The following MIPOL1 variants were observed in gnomAD, a reference collection of about 807,000 sequenced individuals.
MIPOL1 encodes mirror-image polydactyly gene 1 protein.
MIPOL1 carries 57 observed loss-of-function variants against 60.9 expected under a neutral mutation model. That is an observed-to-expected ratio of 0.94 (90% CI 0.76 to 1.17). The LOEUF (loss-of-function observed/expected upper bound fraction) is 1.17. Ranked by LOEUF, MIPOL1 falls within the 50% of genes most tolerant of loss-of-function variation. MIPOL1 has a pLI of 0.00. For missense variants in MIPOL1, 551 were observed against 511.6 expected (o/e 1.08, Z -0.74); for synonymous variants, 179 against 168.8 (o/e 1.06, Z -0.47).
chr14:37,339,014 A>C (rs961302810), intron 9 of MIPOL1, among the ~76,000 whole-genome samples: 1 of 152,250 alleles, frequency 6.6e-6, no homozygotes, highest in Non-Finnish European at 1.5e-5. Flanking sequence ...AAAGCTCATC[A>C]AAAGCCAACA....
chr14:37,382,454 A>T (rs2092950095), intron 10 of MIPOL1, among the ~76,000 whole-genome samples: 1 of 152,098 alleles, frequency 6.6e-6, no homozygotes, highest in Admixed American at 6.6e-5. Context: ...TGAGACTTTC[A>T]TTAGAGATTA....
chr14:37,442,505 T>A (rs1349545426), intron 11 of MIPOL1, among the ~76,000 whole-genome samples: 1 of 152,106 alleles, frequency 6.6e-6, no homozygotes, highest in East Asian at 1.9e-4. Flanking sequence ...TGGCTGGGGT[T>A]TGTCATAGAT....
chr14:37,499,372 T>C (rs2095181307), intron 11 of MIPOL1, among the ~76,000 whole-genome samples: 2 of 152,196 alleles, frequency 1.3e-5, no homozygotes, highest in African/African-American at 4.8e-5. Flanking sequence ...ACATTTTATT[T>C]CTGTGCAATC....
chr14:37,408,201 G>C (rs904625819), intron 10 of MIPOL1, among the ~76,000 whole-genome samples: 2 of 151,858 alleles, frequency 1.3e-5, no homozygotes, highest in African/African-American at 4.8e-5. Context: ...ACAATGTTAA[G>C]AGAAAACAAT....
chr14:37,370,856 T>A (rs2092619450), intron 10 of MIPOL1, among the ~76,000 whole-genome samples: 1 of 152,166 alleles, frequency 6.6e-6, no homozygotes, highest in Non-Finnish European at 1.5e-5. Context: ...ATTTTTAAAA[T>A]GTATACTTGC....
At chr14:37,364,517 G>A (rs939898414) in intron 9 of MIPOL1, among the ~76,000 whole-genome samples, 3 of 152,126 alleles carry the variant, frequency 2.0e-5, no homozygotes, top group African/African-American at 7.2e-5. Context: ...TGGCACTTTT[G>A]TTAAAAATTA....
chr14:37,299,868 A>T (rs934066477), intron 7 of MIPOL1, among the ~76,000 whole-genome samples: 1 of 152,022 alleles, frequency 6.6e-6, no homozygotes, highest in Non-Finnish European at 1.5e-5. Context: ...ATGTCTCCCT[A>T]GCCTGTCCTG....
At chr14:37,530,309 C>A (rs2095471655) in intron 12 of MIPOL1, among the ~76,000 whole-genome samples, 1 of 151,900 alleles carries the variant, frequency 6.6e-6, no homozygotes. Flanking sequence ...TTTGTGTAAC[C>A]CTAACTTATA....
rs1174519962 is a variant in MIPOL1, at chr14:37,260,680, C to G, written c.20-6258C>G. On this transcript the variant is annotated intron_variant, in intron 3 of 12. Coordinates refer to ENST00000684589, the MANE Select transcript of MIPOL1 (RefSeq NM_001388067.1). ...GATAGAGGTTATTAATTATGTAGAC[C>G]AATGAAAGTAAAATTATGACTTTAT... Among the ~76,000 whole-genome samples, 3 of 151,920 alleles carry G rather than the reference C, an allele frequency of 2.0e-5. No homozygotes were observed. In the East Asian group the frequency reaches 5.8e-4, roughly 29 times the overall value.
At chr14:37,221,247 T>C (rs1968698883) in intron 1 of MIPOL1, among the ~76,000 whole-genome samples, 1 of 152,192 alleles carries the variant, frequency 6.6e-6, no homozygotes, top group South Asian at 2.1e-4. Flanking sequence ...TCCAAGAGCA[T>C]AGTGCTGGCA....
chr14:37,239,540 A>G (rs1260762733), intron 1 of MIPOL1, among the ~76,000 whole-genome samples: 1 of 152,190 alleles, frequency 6.6e-6, no homozygotes, highest in East Asian at 1.9e-4. Flanking sequence ...AAAAGAGTAC[A>G]ACACTTACAT....
intron 1 of MIPOL1, among the ~76,000 whole-genome samples, chr14:37,207,529 A>C (rs1338055407): frequency 7.6e-6 from 1 of 131,296 alleles, no homozygotes; most frequent in Non-Finnish European, 1.5e-5. Context: ...TTATTTGAGG[A>C]TATGATATTA....
intron 11 of MIPOL1, among the ~76,000 whole-genome samples, chr14:37,494,581 A>C (rs2095091152): frequency 6.6e-6 from 1 of 152,216 alleles, no homozygotes; most frequent in Admixed American, 6.5e-5. Context: ...TATAGACCAC[A>C]GCAAGTATAG....
intron 12 of MIPOL1, chr14:37,545,860 T>G: frequency 2.6e-6 from 1 of 383,114 alleles, no homozygotes; most frequent in Admixed American, 4.7e-5. Flanking sequence ...CATGGATCCA[T>G]ATAAATGAGG....
rs769550735 is a variant in MIPOL1 at position 37,369,791 on chromosome 14, T to C, written c.936+167T>C. On this transcript the variant is annotated intron_variant, in intron 10 of 12. Transcript: ENST00000684589. Reference sequence around the variant, plus strand: ...ACAGCACCCTTTTGTTATGGTATTATTTTATTTCACGTATGTGTACGTGAA... The same window carrying C: ...ACAGCACCCTTTTGTTATGGTATTACTTTATTTCACGTATGTGTACGTGAA... 2.2e-4 allele frequency: 98 copies of C among 435,840 alleles called. 1 individual carries two copies. Among genetic ancestry groups the C allele is most frequent in the Non-Finnish European group, 3.9e-4 (95 of 242,596 alleles). 27.0% of individuals were successfully genotyped at this position (435,840 alleles called of 1,614,324 possible).
intron 1 of MIPOL1, among the ~76,000 whole-genome samples, chr14:37,217,184 A>G (rs1967874119): frequency 1.3e-5 from 2 of 152,172 alleles, no homozygotes; most frequent in Non-Finnish European, 2.9e-5. Flanking sequence ...ACAACCTACA[A>G]TGTTTGAACC....
chr14:37,213,073 G>A (rs34613310), intron 1 of MIPOL1, among the ~76,000 whole-genome samples: 68,424 of 151,972 alleles, frequency 0.45, 17,891 homozygotes, highest in African/African-American at 0.73. Flanking sequence ...CCTTTCAGAT[G>A]TCTGGAAAGC....
At chr14:37,318,683 A>C (rs2088201828) in intron 9 of MIPOL1, among the ~76,000 whole-genome samples, 1 of 152,134 alleles carries the variant, frequency 6.6e-6, no homozygotes, top group Admixed American at 6.6e-5. Context: ...AGAAAGTTAT[A>C]TGTAGATTGT....
intron 3 of MIPOL1, among the ~76,000 whole-genome samples, chr14:37,266,523 A>G (rs2082884289): frequency 6.6e-6 from 1 of 152,226 alleles, no homozygotes; most frequent in African/African-American, 2.4e-5. Flanking sequence ...CTCAAATGAA[A>G]AGCAATCAGA....
Sources: gnomAD v4.1 joint callset for allele counts (sites outside exome capture counted in the v4.1 genomes callset) on GRCh38, gnomAD v4.1.1 for gene constraint, MANE v1.5 for transcripts, NCBI Gene and HGNC (gene_info 2026-07-23, HGNC 2026-07-21) for gene names.